The following MKLN1 variants were observed in gnomAD, a reference collection of about 807,000 sequenced individuals.
The protein encoded by MKLN1 is muskelin 1, also known as muskelin.
MKLN1 carries 18 observed loss-of-function variants against 99.0 expected under a neutral mutation model. The observed-to-expected ratio is 0.18, with a 90% CI of 0.13 to 0.27. The LOEUF (loss-of-function observed/expected upper bound fraction) is 0.27. MKLN1 is among the 10% of genes least tolerant of loss of function. The pLI is 1.00. For missense variants in MKLN1, 621 were observed against 875.9 expected, an observed-to-expected ratio of 0.71 and a Z score of 3.67; for synonymous variants, 288 against 293.2, an observed-to-expected ratio of 0.98 and a Z score of 0.18.
intron 3 of MKLN1, among the ~76,000 whole-genome samples, chr7:131,263,033 T>C (rs985490164): frequency 1.3e-4 from 20 of 152,114 alleles, no homozygotes; most frequent in African/African-American, 4.6e-4. Flanking sequence ...GCGTTTCTTA[T>C]AAAAAGAAAG....
chr7:131,326,706 A>G (rs1421220362), upstream of MKLN1: 1 of 152,150 alleles, frequency 6.6e-6, no homozygotes, highest in Non-Finnish European at 1.5e-5. Context: ...TAAAATTTCC[A>G]TCTATAGAAA....
chr7:131,444,817 TAGTAGA>T (rs1795961136), intron 11 of MKLN1, among the ~76,000 whole-genome samples: 3 of 111,410 alleles, frequency 2.7e-5, no homozygotes, highest in African/African-American at 7.0e-5. Flanking sequence ...GTAGTAGTAG[TAGTAGA>T]AGTGGAAGTG....
In MKLN1 at chr7:131,437,957, C is replaced by T. The variant is rs1795722631; in HGVS notation, c.1133C>T (p.Thr378Ile). Residue 378 changes from threonine to isoleucine, a missense_variant, in exon 10 of 18, where the codon ACT (threonine) becomes ATT (isoleucine). Around this residue, in one of 8 missense-constraint regions of MKLN1, gnomAD observed 361 missense variants for 540.8 expected, o/e 0.67. Transcript: ENST00000352689. ...ACATGGATGTTACTAAGTGAGGATA[C>T]TGCTGCTGATGGAGGGCCGAAATTG... ...TNTWMLLSEDTAADGGPKLVF... is the reference protein window; with the variant it reads ...TNTWMLLSEDIAADGGPKLVF... The T allele has an allele frequency of 1.2e-6, 2 of 1,613,850 alleles. No individual in the cohort carries two copies. Among genetic ancestry groups the T allele is most frequent in the East Asian group, 4.5e-5 (2 of 44,862 alleles).
chr7:131,408,838 T>G (rs1794787026), intron 6 of MKLN1, among the ~76,000 whole-genome samples: 1 of 152,190 alleles, frequency 6.6e-6, no homozygotes, highest in Admixed American at 6.5e-5. Flanking sequence ...CTGTATGAAA[T>G]ATATTTATTA....
intron 1 of MKLN1, among the ~76,000 whole-genome samples, chr7:131,123,147 T>C (rs1795402313): frequency 6.7e-6 from 1 of 150,188 alleles, no homozygotes. Context: ...TAAAAGAGAG[T>C]GTCCTTGAAC....
chr7:131,173,400 A>C (rs1335481121), intron 2 of MKLN1, among the ~76,000 whole-genome samples: 2 of 152,130 alleles, frequency 1.3e-5, no homozygotes, highest in African/African-American at 4.8e-5. Context: ...GAGTCCTAGA[A>C]TGATAATGCA....
intron 3 of MKLN1, among the ~76,000 whole-genome samples, chr7:131,320,270 C>T (rs1798750601): frequency 1.3e-5 from 2 of 152,084 alleles, no homozygotes; most frequent in Non-Finnish European, 2.9e-5. Context: ...TCAGAAATAA[C>T]ACCACACATC....
chr7:131,239,603 C>T (rs1030423696), intron 3 of MKLN1, among the ~76,000 whole-genome samples: 1 of 152,162 alleles, frequency 6.6e-6, no homozygotes, highest in South Asian at 2.1e-4. Flanking sequence ...CAGGTGTGAG[C>T]TACCACACCC....
rs774333800 is a variant in MKLN1, at chr7:131,327,942, C to T, written c.43C>T (p.Leu15Phe). 2 of 1,613,678 alleles carry T rather than the reference C, an allele frequency of 1.2e-6. No individual in the cohort carries two copies. Among genetic ancestry groups the T allele is most frequent in the Non-Finnish European group, 1.7e-6 (2 of 1,179,846 alleles). ...TGTCGCTGCGGCGCCCGAGTGCCGG[C>T]TTCTCCCCTACGCGCTACACAAGTG... ...GAVAAAPECR[L>F]LPYALHKWSS... Residue 15 changes from leucine (L) to phenylalanine (F), a missense_variant, in exon 1 of 18, where the codon CTT becomes TTT. By Grantham distance (22) the Leu-to-Phe change is conservative. Transcript: ENST00000352689.
At chr7:131,438,681 A>G (rs1157007037) in intron 10 of MKLN1, among the ~76,000 whole-genome samples, 3 of 151,966 alleles carry the variant, frequency 2.0e-5, no homozygotes, top group African/African-American at 7.2e-5. Context: ...ACCATTTTGA[A>G]TTCCATAAGC....
chr7:131,150,872 G>A (rs1795879274), intron 2 of MKLN1, among the ~76,000 whole-genome samples: 1 of 151,894 alleles, frequency 6.6e-6, no homozygotes, highest in South Asian at 2.1e-4. Flanking sequence ...AGGAAGATTA[G>A]ATAAATAAAA....
At chr7:131,422,854 A>C (rs1457073062) in intron 8 of MKLN1, among the ~76,000 whole-genome samples, 2 of 152,066 alleles carry the variant, frequency 1.3e-5, no homozygotes, top group Non-Finnish European at 2.9e-5. Context: ...TCCTAAGGGA[A>C]TCCTATCATT....
intron 2 of MKLN1, among the ~76,000 whole-genome samples, chr7:131,185,211 C>G (rs1796431121): frequency 4.6e-5 from 7 of 152,134 alleles, no homozygotes; most frequent in Admixed American, 4.6e-4. Context: ...ACACAATTCT[C>G]TGACTCCTAA....
chr7:131,479,766 G>A (rs1453560615), intron 17 of MKLN1, among the ~76,000 whole-genome samples: 1 of 151,946 alleles, frequency 6.6e-6, no homozygotes, highest in Non-Finnish European at 1.5e-5. Context: ...GGCAGAGCTC[G>A]CAGTGAGCCG....
chr7:131,340,398 C>T (rs1034514094), intron 1 of MKLN1, among the ~76,000 whole-genome samples: 1 of 151,032 alleles, frequency 6.6e-6, no homozygotes, highest in African/African-American at 2.4e-5. Context: ...CTGCCTCAGC[C>T]CCCCCAAGTA....
At chr7:131,221,650 G>C (rs1046434593) in intron 3 of MKLN1, among the ~76,000 whole-genome samples, 2 of 151,116 alleles carry the variant, frequency 1.3e-5, no homozygotes, top group Non-Finnish European at 2.9e-5. Flanking sequence ...TGGGATTACA[G>C]GTGTGTGCCA....
At chr7:131,345,042 G>T (rs1325328555) in intron 1 of MKLN1, among the ~76,000 whole-genome samples, 1 of 152,140 alleles carries the variant, frequency 6.6e-6, no homozygotes, top group Non-Finnish European at 1.5e-5. Context: ...CTGACCTCAG[G>T]CGATCCACCC....
At chr7:131,200,866 T>C (rs1012473460) in intron 2 of MKLN1, among the ~76,000 whole-genome samples, 1 of 152,242 alleles carries the variant, frequency 6.6e-6, no homozygotes, top group Middle Eastern at 3.2e-3. Context: ...TCTCTTACTA[T>C]TGATGCTTAT....
At chr7:131,190,564 T>C (rs1047041475) in intron 2 of MKLN1, among the ~76,000 whole-genome samples, 1 of 152,070 alleles carries the variant, frequency 6.6e-6, no homozygotes, top group Non-Finnish European at 1.5e-5. Flanking sequence ...TAGAGACTAT[T>C]TTTTTTTCTT....
Sources: gnomAD v4.1 joint callset for allele counts (sites outside exome capture counted in the v4.1 genomes callset) on GRCh38, gnomAD v4.1.1 for gene constraint, gnomAD v4.1.1 regional missense constraint, MANE v1.5 for transcripts, NCBI Gene and HGNC (gene_info 2026-07-23, HGNC 2026-07-21) for gene names.